Variants in CABP1 observed in about 807,000 individuals in gnomAD.
CABP1 encodes the protein calcium-binding protein 1.
Under a neutral mutation model 34.3 loss-of-function variants are expected in CABP1, and 17 were observed. The observed-to-expected ratio is 0.50, with a 90% CI of 0.34 to 0.74. The LOEUF is 0.74. Among genes scored for constraint, CABP1 ranks in the 30% least tolerant of loss-of-function variants. The pLI is 0.01. For synonymous variants in CABP1, 198 were observed against 229.2 expected (o/e 0.86, Z 1.23); for missense variants, 373 against 511.1 (o/e 0.73, Z 2.61).
At chr12:120,679,087 A>C in the CABP1 span, among the ~76,000 whole-genome samples, 12 of 151,652 alleles carry the variant, frequency 7.9e-5, no homozygotes, top group South Asian at 2.1e-4. Context: ...AAAAAAAAAA[A>C]AAAAAACCAA....
At chr12:120,655,055 C>T (rs1430332772) in intron 1 of CABP1, among the ~76,000 whole-genome samples, 1 of 152,190 alleles carries the variant, frequency 6.6e-6, no homozygotes. Flanking sequence ...ACAGATGTGC[C>T]TTGTGTGGCC....
At chr12:120,668,219 G>A (rs565542950), downstream of CABP1, among the ~76,000 whole-genome samples, 4 of 152,358 alleles carry the variant, frequency 2.6e-5, no homozygotes, top group South Asian at 8.3e-4. Context: ...GCCACTGGCT[G>A]CGCGCCGTGG....
At chr12:120,670,089 A>T (rs146866969), downstream of CABP1, among the ~76,000 whole-genome samples, 3 of 151,656 alleles carry the variant, frequency 2.0e-5, no homozygotes, top group Non-Finnish European at 4.4e-5. Flanking sequence ...TGCAGTCTTG[A>T]ACTCTTGGGC....
At chr12:120,665,876 T>C (rs1880941908) in intron 5 of CABP1, among the ~76,000 whole-genome samples, 1 of 151,264 alleles carries the variant, frequency 6.6e-6, no homozygotes, top group South Asian at 2.1e-4. Flanking sequence ...AAAAATTAGC[T>C]GGACGTCGTG....
intron 1 of CABP1, among the ~76,000 whole-genome samples, chr12:120,656,462 A>G (rs867668105): frequency 6.6e-6 from 1 of 152,186 alleles, no homozygotes; most frequent in African/African-American, 2.4e-5. Flanking sequence ...TGATGATAAT[A>G]ATAATAATAA....
At chr12:120,671,276 G>A (rs192956915), downstream of CABP1, among the ~76,000 whole-genome samples, 40 of 152,082 alleles carry the variant, frequency 2.6e-4, no homozygotes, top group East Asian at 3.1e-3. Flanking sequence ...ATGGTGGTGC[G>A]CGCCTGCAAT....
At chr12:120,672,625 CTT>C in the CABP1 span, among the ~76,000 whole-genome samples, 1 of 141,522 alleles carries the variant, frequency 7.1e-6, no homozygotes, top group African/African-American at 2.6e-5. Flanking sequence ...AAAAAGTGAA[CTT>C]ATAGATCAAA....
At chr12:120,656,437 C>T (rs112519998) in intron 1 of CABP1, among the ~76,000 whole-genome samples, 76 of 136,830 alleles carry the variant, frequency 5.6e-4, no homozygotes, top group African/African-American at 1.8e-3. Flanking sequence ...TCCATATCCA[C>T]GAGCAAAATA....
Position 120,641,274 on chromosome 12 carries a change from G to T in CABP1, c.589G>T (p.Ala197Ser), listed in dbSNP as rs894762128. ...GGGCCGCGGGGACTCCGTTCCAGCC[G>T]CCGCGTCCGAGGCGGACCCGTTCCT... ...ARGRGDSVPA[A>S]ASEADPFLHR... The change falls in exon 1 of 6, where the codon GCC becomes TCC. Residue 197 changes from alanine to serine, a missense_variant. Around this residue, in one of 4 missense-constraint regions of CABP1, gnomAD observed 121 missense variants for 125.5 expected, o/e 0.96. Transcript: ENST00000316803. The surrounding 1 kb of genome is among the most constrained non-coding windows in gnomAD (Gnocchi z 6.7). The T allele has an allele frequency of 3.8e-6, 5 of 1,304,680 alleles. No homozygotes were observed. The highest frequency in any genetic ancestry group is 7.6e-5 in the Admixed American group (2 of 26,338). 80.8% of individuals were successfully genotyped at this position (1,304,680 alleles called of 1,614,324 possible). A position where few individuals can be genotyped will look rare whatever the true frequency, so the allele number is the denominator to read the frequency against.
At chr12:120,680,796 G>A in the CABP1 span, among the ~76,000 whole-genome samples, 1 of 151,844 alleles carries the variant, frequency 6.6e-6, no homozygotes, top group African/African-American at 2.4e-5. Context: ...TGGCCTTTTT[G>A]TCTTCTGCCC....
intron 5 of CABP1, among the ~76,000 whole-genome samples, chr12:120,663,871 A>G (rs530794465): frequency 1.7e-4 from 26 of 152,342 alleles, no homozygotes; most frequent in Non-Finnish European, 3.7e-4. Flanking sequence ...GTGAGGCACT[A>G]CGGGATACAG....
intron 1 of CABP1, among the ~76,000 whole-genome samples, chr12:120,654,708 TGC>T (rs1880063600): frequency 1.3e-5 from 2 of 151,414 alleles, no homozygotes; most frequent in African/African-American, 4.9e-5. Flanking sequence ...GAAGGCAGAG[TGC>T]AGGAGCTGGA....
At chr12:120,665,576 C>T (rs533522792) in intron 5 of CABP1, among the ~76,000 whole-genome samples, 4 of 152,182 alleles carry the variant, frequency 2.6e-5, no homozygotes, top group East Asian at 3.9e-4. Flanking sequence ...AACGATGTGT[C>T]GGTGTCGGTT....
downstream of CABP1, chr12:120,667,358 G>T (rs1881074883): frequency 5.3e-6 from 1 of 188,736 alleles, no homozygotes; most frequent in African/African-American, 2.4e-5. Flanking sequence ...CTTGGGCCTG[G>T]TTAGATGACC....
chr12:120,646,077 A>G (rs898881139), intron 1 of CABP1, among the ~76,000 whole-genome samples: 2 of 152,204 alleles, frequency 1.3e-5, no homozygotes, highest in African/African-American at 4.8e-5. Context: ...AGTAGGTGGC[A>G]GGACTGTGCT....
At chr12:120,672,892 T>C in the CABP1 span, among the ~76,000 whole-genome samples, 1 of 151,950 alleles carries the variant, frequency 6.6e-6, no homozygotes, top group Non-Finnish European at 1.5e-5. Context: ...TAGCCAGGCA[T>C]GGTGGTGTGC....
intron 5 of CABP1, among the ~76,000 whole-genome samples, chr12:120,666,144 G>C (rs953070919): frequency 2.7e-5 from 4 of 148,728 alleles, no homozygotes; most frequent in Non-Finnish European, 5.9e-5. Context: ...CTTACAGTGA[G>C]CTATAATCAT....
At chr12:120,656,370 C>A in intron 1 of CABP1, 1 of 1,195,736 alleles carries the variant, frequency 8.4e-7, no homozygotes, top group Non-Finnish European at 1.1e-6. Context: ...CTCACACCCC[C>A]AACTTATGAA....
intron 1 of CABP1, among the ~76,000 whole-genome samples, chr12:120,649,127 C>G (rs758950204): frequency 9.2e-5 from 14 of 152,052 alleles, no homozygotes; most frequent in Non-Finnish European, 1.9e-4. Context: ...CCTGATTAAA[C>G]CATTGCGTGG....
Sources: allele counts gnomAD v4.1 joint callset (sites outside exome capture counted in the v4.1 genomes callset), GRCh38; gene constraint gnomAD v4.1.1; regional missense constraint gnomAD v4.1.1; non-coding constraint Gnocchi (gnomAD v3.1); transcripts MANE v1.5; gene names NCBI Gene and HGNC (gene_info 2026-07-23, HGNC 2026-07-21).